The following ACSS2 variants were observed in gnomAD, a reference collection of about 807,000 sequenced individuals.
ACSS2 encodes the protein acyl-CoA synthetase short chain family member 2, also known as acetyl-coenzyme A synthetase, cytoplasmic.
A neutral mutation model predicts 90.6 loss-of-function variants in ACSS2; 58 were observed. That is an observed-to-expected ratio of 0.64 (90% CI 0.52 to 0.80). The LOEUF (loss-of-function observed/expected upper bound fraction) is 0.80, where lower values mean the gene tolerates loss of function less well. Ranked by LOEUF, ACSS2 falls within the 30% of genes least tolerant of loss-of-function variation. ACSS2 has a pLI of 0.00. For missense variants in ACSS2, 759 were observed against 912.0 expected (o/e 0.83, Z 2.16); for synonymous variants, 300 against 330.9 (o/e 0.91, Z 1.01).
chr20:34,913,414 T>G lies in ACSS2; in HGVS notation c.488T>G (p.Val163Gly). 4 of 1,613,970 alleles carry G rather than the reference T, an allele frequency of 2.5e-6. No homozygotes were observed. Among genetic ancestry groups the G allele is most frequent in the Non-Finnish European group, 3.4e-6 (4 of 1,179,988 alleles). ...GCAGGCATTCAGAAGGGGGACCGAG[T>G]GGCCATCTACATGCCTATGATCCCA... ...RKQGIQKGDR[V>G]AIYMPMIPEL... Residue 163 changes from valine (V) to glycine (G), a missense_variant, in exon 4 of 18, where the codon GTG becomes GGG. Coordinates refer to ENST00000360596, the MANE Select transcript of ACSS2 (RefSeq NM_018677.4).
In ACSS2 at chr20:34,926,006, C is replaced by T. The variant is rs567572017; in HGVS notation, c.1727-99C>T. ...CTGAGGAGTGAATGAAGGGTCTTCT[C>T]CATTTGGCCAGACCAGGACTGCCCC... is the stretch of plus-strand genomic sequence containing the variant. On this transcript the variant is annotated intron_variant, in intron 15 of 17. Transcript: ENST00000360596. The T allele has an allele frequency of 1.2e-5, 16 of 1,299,314 alleles. 1 individual carries two copies. In the South Asian group the frequency reaches 2.0e-4, roughly 16 times the overall value. The allele number at this position is 1,299,314 out of a possible 1,614,324, so 80.5% of individuals were successfully genotyped here.
intron 7 of ACSS2, chr20:34,915,272 C>A: frequency 6.2e-7 from 1 of 1,613,932 alleles, no homozygotes; most frequent in South Asian, 1.1e-5. Flanking sequence ...CATTTCTGCA[C>A]TGCCGTGGGC....
At chr20:34,897,805 G>A (rs1288938708) in intron 2 of ACSS2, among the ~76,000 whole-genome samples, 2 of 151,920 alleles carry the variant, frequency 1.3e-5, no homozygotes, top group African/African-American at 2.4e-5. Context: ...CTCCAGCCTG[G>A]GCAACAAAGT....
chr20:34,877,711 C>A (rs1049751188), intron 1 of ACSS2, among the ~76,000 whole-genome samples: 1 of 149,364 alleles, frequency 6.7e-6, no homozygotes, highest in East Asian at 2.0e-4. Flanking sequence ...CCCAGCTACT[C>A]GAGAGGCTGA....
chr20:34,882,277 G>A (rs559407707), intron 1 of ACSS2, among the ~76,000 whole-genome samples: 28 of 152,300 alleles, frequency 1.8e-4, no homozygotes, highest in African/African-American at 6.3e-4. Context: ...GAGGACAGGA[G>A]GAAGAATTTG....
intron 2 of ACSS2, among the ~76,000 whole-genome samples, chr20:34,892,569 C>G (rs186504872): frequency 8.1e-4 from 123 of 152,254 alleles, no homozygotes; most frequent in Non-Finnish European, 1.6e-3. Flanking sequence ...GTTACCTCAC[C>G]TCTTTAAACC....
intron 2 of ACSS2, among the ~76,000 whole-genome samples, chr20:34,887,808 C>T (rs1434765690): frequency 6.6e-6 from 1 of 151,382 alleles, no homozygotes; most frequent in Non-Finnish European, 1.5e-5. Context: ...TAGTGGCTCA[C>T]GCCTGTAATC....
intron 2 of ACSS2, among the ~76,000 whole-genome samples, chr20:34,904,667 A>G (rs1183304296): frequency 6.6e-6 from 1 of 152,152 alleles, no homozygotes; most frequent in African/African-American, 2.4e-5. Context: ...TGAATCAATA[A>G]TGGGTTAAAG....
upstream of ACSS2, chr20:34,876,581 TG>T: frequency 7.8e-7 from 1 of 1,282,806 alleles, no homozygotes; most frequent in Non-Finnish European, 9.9e-7. Context: ...TAGTTCGGCC[TG>T]TTTTCTCAGT....
At chr20:34,922,003 TGAG>T in intron 13 of ACSS2, 137 bp downstream of exon 13, 1 of 1,475,072 alleles carries the variant, frequency 6.8e-7, no homozygotes, top group East Asian at 2.3e-5. Flanking sequence ...GTTTGCTCAC[TGAG>T]AGACCCTGGA....
At chr20:34,892,463 C>T (rs766127971) in intron 2 of ACSS2, among the ~76,000 whole-genome samples, 2 of 151,898 alleles carry the variant, frequency 1.3e-5, no homozygotes, top group Non-Finnish European at 3.0e-5. Flanking sequence ...GTACCAATAT[C>T]CCAATCCCTA....
chr20:34,922,635 T>G (rs571191694), intron 13 of ACSS2, among the ~76,000 whole-genome samples: 2 of 152,322 alleles, frequency 1.3e-5, no homozygotes, highest in African/African-American at 4.8e-5. Context: ...TCTCCTATGG[T>G]TGCTTGCTTG....
At position 34,925,756 on chromosome 20, in the gene ACSS2, C is replaced by G; in HGVS notation, c.1716C>G (p.Leu572=). The change falls in exon 15 of 18, where the codon CTC becomes CTG. Residue 572 remains leucine (L), a synonymous_variant. Transcript: ENST00000360596. ...TCACTGGCAGGATTGATGACATGCT[C>G]AATGTATCTGGTGAGGGCCAGGGGC... The part of the protein sequence containing the change: ...YWITGRIDDM[L]NVSGHLLSTA... The G allele has an allele frequency of 6.2e-7, 1 of 1,613,198 alleles. No homozygotes were observed. Among genetic ancestry groups the G allele is most frequent in the Non-Finnish European group, 8.5e-7 (1 of 1,179,694 alleles).
rs531595854 is a variant in ACSS2, at chr20:34,878,087, T to G, written c.178+1264T>G. ...TAGCTGGGACTACAGGCGGACGCCA[T>G]GACACCCAGCTACTTTTTTGTATTT... On this transcript the variant is annotated intron_variant, in intron 1 of 17. Coordinates refer to ENST00000360596, the MANE Select transcript of ACSS2 (RefSeq NM_018677.4). 6.6e-5 allele frequency among the ~76,000 whole-genome samples: 10 copies of G among 152,250 alleles called. No individual in the cohort carries two copies. The East Asian group carries it at 1.7e-3, about 27-fold the overall frequency.
At chr20:34,890,947 CAAAAAAAAAA>C (rs5841185) in intron 2 of ACSS2, among the ~76,000 whole-genome samples, 2 of 109,890 alleles carry the variant, frequency 1.8e-5, no homozygotes, top group Non-Finnish European at 3.7e-5. Context: ...TATTTGAGGC[CAAAAAAAAAA>C]AAAAAAAGTC....
At chr20:34,898,436 G>C (rs2080523006) in intron 2 of ACSS2, among the ~76,000 whole-genome samples, 1 of 152,204 alleles carries the variant, frequency 6.6e-6, no homozygotes, top group South Asian at 2.1e-4. Flanking sequence ...GTCCCCACCA[G>C]AGTAGCTAGA....
intron 14 of ACSS2, among the ~76,000 whole-genome samples, chr20:34,924,888 C>T (rs879834905): frequency 9.9e-5 from 15 of 151,220 alleles, no homozygotes; most frequent in Non-Finnish European, 1.8e-4. Flanking sequence ...TTAGTAGAGA[C>T]GGGGTTTCAC....
Position 34,921,103 on chromosome 20 carries a change from G to GTC in ACSS2, c.1243_1244dup (p.Leu416CysfsTer3). 6.2e-7 allele frequency: 1 copy of GTC among 1,614,190 alleles called. No individual in the cohort carries two copies. The highest frequency in any genetic ancestry group is 8.5e-7 in the Non-Finnish European group (1 of 1,180,028). ...TTCTACACAGCACCCACAGCCATCC[G>GTC]TCTGCTCATGAAGTTTGGAGATGAG... On this transcript the variant is annotated frameshift_variant, in exon 10 of 18. Transcript: ENST00000360596. LOFTEE classifies it high-confidence loss of function.
intron 14 of ACSS2, among the ~76,000 whole-genome samples, chr20:34,924,608 A>G (rs938274036): frequency 6.6e-6 from 1 of 152,210 alleles, no homozygotes; most frequent in Non-Finnish European, 1.5e-5. Context: ...GGAGACGTAC[A>G]TAATACAGGG....
Sources: gnomAD v4.1 joint callset for allele counts (sites outside exome capture counted in the v4.1 genomes callset) on GRCh38, gnomAD v4.1.1 for gene constraint, MANE v1.5 for transcripts, NCBI Gene and HGNC (gene_info 2026-07-23, HGNC 2026-07-21) for gene names.